The following DPY19L3 variants were observed in gnomAD, a reference collection of about 807,000 sequenced individuals.
The protein encoded by DPY19L3 is dpy-19 like C-mannosyltransferase 3.
In DPY19L3, 51 loss-of-function variants were observed where a neutral mutation model predicts 92.3. The ratio of observed to expected loss-of-function variants is 0.55; its 90% CI spans 0.44 to 0.70. The LOEUF (loss-of-function observed/expected upper bound fraction) is 0.70, where lower values mean the gene tolerates loss of function less well. DPY19L3 is among the 30% of genes least tolerant of loss of function. DPY19L3 has a pLI of 0.00. For missense variants in DPY19L3, 706 were observed against 855.9 expected (o/e 0.82, Z 2.18); for synonymous variants, 309 against 315.2 (o/e 0.98, Z 0.21).
At chr19:32,412,487 C>T (rs1968221915) in intron 3 of DPY19L3, 1 of 149,622 alleles carries the variant, frequency 6.7e-6, no homozygotes, top group South Asian at 2.1e-4. Flanking sequence ...AATAAAAAAG[C>T]CACTGCTTTA....
chr19:32,458,434 T>C lies in DPY19L3; in HGVS notation c.1247T>C (p.Leu416Pro). The change falls in exon 12 of 19, where the codon CTG becomes CCG. Residue 416 changes from leucine (L) to proline (P), a missense_variant. Leu to Pro is a moderately conservative substitution (Grantham distance 98). Transcript: ENST00000392250. ...FNTFGRLSDT[L>P]LFYAYIFVLS... ...ACATTTGGAAGGCTTTCAGATACTCTGCTTTTTTATGCTTACATATTCGTT... is the reference window on the plus strand; with the variant it reads ...ACATTTGGAAGGCTTTCAGATACTCCGCTTTTTTATGCTTACATATTCGTT... The C allele has an allele frequency of 1.2e-6, 2 of 1,613,944 alleles. No individual in the cohort carries two copies. The highest frequency in any genetic ancestry group is 1.7e-6 in the Non-Finnish European group (2 of 1,180,000).
chr19:32,435,939 A>G (rs1182949512), intron 4 of DPY19L3, among the ~76,000 whole-genome samples: 3 of 152,226 alleles, frequency 2.0e-5, no homozygotes, highest in Non-Finnish European at 4.4e-5. Flanking sequence ...CCTATTTGGA[A>G]TGTGCCAGTG....
At chr19:32,423,944 C>T (rs1968667893) in intron 3 of DPY19L3, among the ~76,000 whole-genome samples, 1 of 151,658 alleles carries the variant, frequency 6.6e-6, no homozygotes, top group Admixed American at 6.6e-5. Context: ...GCTCAGGACA[C>T]AGAAGTTATC....
At chr19:32,467,691 A>AT in intron 15 of DPY19L3, 1 of 987,610 alleles carries the variant, frequency 1.0e-6, no homozygotes, top group Non-Finnish European at 1.2e-6. Flanking sequence ...TCAGTGGAGC[A>AT]TACATACATT....
chr19:32,477,733 G>T (rs1970555115), intron 17 of DPY19L3, 79 bp downstream of exon 17: 2 of 1,566,714 alleles, frequency 1.3e-6, no homozygotes, highest in Admixed American at 1.8e-5. Flanking sequence ...TAAAGATGGG[G>T]CTGAATGCTG....
At chr19:32,459,822 A>G (rs1233658337) in intron 12 of DPY19L3, among the ~76,000 whole-genome samples, 3 of 152,236 alleles carry the variant, frequency 2.0e-5, no homozygotes, top group African/African-American at 4.8e-5. Flanking sequence ...TATTAGAGGA[A>G]AAGCACTACA....
At chr19:32,459,071 T>C (rs552465197) in intron 12 of DPY19L3, among the ~76,000 whole-genome samples, 1 of 152,302 alleles carries the variant, frequency 6.6e-6, no homozygotes, top group South Asian at 2.1e-4. Context: ...TGCATCTTGC[T>C]TCAGGGCTCA....
chr19:32,421,163 A>G (rs1968554278), intron 3 of DPY19L3, among the ~76,000 whole-genome samples: 3 of 152,220 alleles, frequency 2.0e-5, no homozygotes, highest in Admixed American at 2.0e-4. Flanking sequence ...ATTGTTTATA[A>G]TAGTACAGTT....
At chr19:32,406,633 C>T (rs1568318204) in intron 1 of DPY19L3, among the ~76,000 whole-genome samples, 1 of 152,290 alleles carries the variant, frequency 6.6e-6, no homozygotes, top group East Asian at 1.9e-4. Flanking sequence ...ATTACATGAG[C>T]CGCCTCGCCC....
chr19:32,458,883 C>T (rs1347200767), intron 12 of DPY19L3, among the ~76,000 whole-genome samples: 2 of 152,112 alleles, frequency 1.3e-5, no homozygotes, highest in Non-Finnish European at 2.9e-5. Context: ...GTGTCTGGTG[C>T]CTAGACTTCG....
intron 16 of DPY19L3, among the ~76,000 whole-genome samples, chr19:32,472,146 T>G (rs1054938980): frequency 3.9e-5 from 6 of 152,032 alleles, no homozygotes; most frequent in African/African-American, 1.4e-4. Context: ...AGTGGGAAAG[T>G]TTTTTTTAGA....
chr19:32,454,112 C>T (rs115686436), intron 9 of DPY19L3, among the ~76,000 whole-genome samples: 1,747 of 152,164 alleles, frequency 0.011, 43 homozygotes, highest in African/African-American at 0.039. Context: ...ATAAATATTA[C>T]TCGTATTTGA....
At chr19:32,424,515 A>C (rs546078369) in intron 3 of DPY19L3, among the ~76,000 whole-genome samples, 52 of 152,058 alleles carry the variant, frequency 3.4e-4, no homozygotes, top group Middle Eastern at 3.4e-3. Context: ...GCTTACACCC[A>C]GCTGCTTGAG....
At position 32,463,943 on chromosome 19, in the gene DPY19L3, T is replaced by TA; in HGVS notation, c.1521dup (p.Leu508ThrfsTer9). The TA allele has an allele frequency of 6.2e-7, 1 of 1,613,422 alleles. No individual in the cohort carries two copies. The highest frequency in any genetic ancestry group is 2.2e-5 in the East Asian group (1 of 44,870). Reference sequence around the variant, plus strand: ...CTATGTAGCCCTGAAATATGGGAGTTACTTCTGAAGTCAGTCCATCTTTAT... The same window carrying TA: ...CTATGTAGCCCTGAAATATGGGAGTTAACTTCTGAAGTCAGTCCATCTTTAT... On this transcript the variant is annotated frameshift_variant, in exon 14 of 19. Coordinates refer to ENST00000392250, the MANE Select transcript of DPY19L3 (RefSeq NM_001172774.2). LOFTEE classifies it high-confidence loss of function.
intron 8 of DPY19L3, among the ~76,000 whole-genome samples, chr19:32,451,635 A>C (rs1969702794): frequency 6.6e-6 from 1 of 152,204 alleles, no homozygotes; most frequent in South Asian, 2.1e-4. Context: ...GCATTGTCTA[A>C]TTTGAAAGAG....
Position 32,437,252 on chromosome 19 carries a change from A to G in DPY19L3, c.509A>G (p.Tyr170Cys), listed in dbSNP as rs779217150. 249 of 1,614,010 alleles carry G rather than the reference A, an allele frequency of 1.5e-4. No homozygotes were observed. Among genetic ancestry groups the G allele is most frequent in the Non-Finnish European group, 2.1e-4 (247 of 1,180,024 alleles). ...ACCTTATTTGGGCTCCAGGCGATCTATGTCACAGCTCTCTACATAACCAGC... is the reference window on the plus strand; with the variant it reads ...ACCTTATTTGGGCTCCAGGCGATCTGTGTCACAGCTCTCTACATAACCAGC... ...IYTLFGLQAI[Y>C]VTALYITSWL... Residue 170 changes from tyrosine to cysteine, a missense_variant, in exon 6 of 19, where the codon TAT (tyrosine) becomes TGT (cysteine). Coordinates refer to ENST00000392250, the MANE Select transcript of DPY19L3 (RefSeq NM_001172774.2).
chr19:32,468,272 C>G (rs1970255372), intron 15 of DPY19L3: 1 of 984,950 alleles, frequency 1.0e-6, no homozygotes, highest in Non-Finnish European at 1.2e-6. Flanking sequence ...AGGCCGTATT[C>G]TAAAGCATTT....
At chr19:32,416,063 A>T (rs1472190044) in intron 3 of DPY19L3, among the ~76,000 whole-genome samples, 1 of 152,228 alleles carries the variant, frequency 6.6e-6, no homozygotes, top group Non-Finnish European at 1.5e-5. Flanking sequence ...ATCCAGGATC[A>T]GAGAGAAGGT....
chr19:32,478,700 A>G (rs1180825253), intron 17 of DPY19L3, among the ~76,000 whole-genome samples: 1 of 152,212 alleles, frequency 6.6e-6, no homozygotes, highest in Non-Finnish European at 1.5e-5. Flanking sequence ...TGTGTTTTGG[A>G]AAACATTCTA....
Sources: gnomAD v4.1 joint callset for allele counts (sites outside exome capture counted in the v4.1 genomes callset) on GRCh38, gnomAD v4.1.1 for gene constraint, MANE v1.5 for transcripts, NCBI Gene and HGNC (gene_info 2026-07-23, HGNC 2026-07-21) for gene names.